FTO: variants seen among roughly 807,000 people sequenced by gnomAD.
FTO encodes the protein alpha-ketoglutarate-dependent dioxygenase FTO.
In FTO, 47 loss-of-function variants were observed where a neutral mutation model predicts 63.9. The ratio of observed to expected loss-of-function variants is 0.74; its 90% CI spans 0.58 to 0.94. FTO has a LOEUF of 0.94. Among genes scored for constraint, FTO ranks in the 40% least tolerant of loss-of-function variants. The pLI, the probability that FTO is intolerant of heterozygous loss-of-function variation, is 0.00. For synonymous variants in FTO, 207 were observed against 224.4 expected (o/e 0.92, Z 0.69); for missense variants, 562 against 618.1 (o/e 0.91, Z 0.96).
chr16:53,787,246 CTA>C (rs1461349127), intron 1 of FTO, among the ~76,000 whole-genome samples: 1 of 149,908 alleles, frequency 6.7e-6, no homozygotes, highest in African/African-American at 2.5e-5. Flanking sequence ...GTAGCACTAT[CTA>C]TCACCTTATG....
At chr16:53,924,094 T>C (rs1343912414) in intron 7 of FTO, among the ~76,000 whole-genome samples, 1 of 152,236 alleles carries the variant, frequency 6.6e-6, no homozygotes, top group Non-Finnish European at 1.5e-5. Context: ...TCTTCTGTGA[T>C]ATTTCCCCCA....
At chr16:54,073,545 C>A (rs564151264) in intron 8 of FTO, among the ~76,000 whole-genome samples, 1 of 151,644 alleles carries the variant, frequency 6.6e-6, no homozygotes, top group East Asian at 1.9e-4. Flanking sequence ...CCACCTCCCC[C>A]ATGTGTATTT....
chr16:53,831,781 G>T (rs1567339055), intron 3 of FTO, among the ~76,000 whole-genome samples: 1 of 152,132 alleles, frequency 6.6e-6, no homozygotes, highest in East Asian at 1.9e-4. Context: ...AATTTGAAGC[G>T]GGAGCACATA....
intron 1 of FTO, among the ~76,000 whole-genome samples, chr16:53,761,501 T>A (rs1046707682): frequency 2.0e-5 from 3 of 152,224 alleles, no homozygotes; most frequent in African/African-American, 7.2e-5. Flanking sequence ...TAATTTGTTG[T>A]GTTAATCATT....
chr16:53,786,204 T>G (rs1312234941), intron 1 of FTO, among the ~76,000 whole-genome samples: 2 of 152,188 alleles, frequency 1.3e-5, no homozygotes, highest in Non-Finnish European at 2.9e-5. Flanking sequence ...CACACTTTCT[T>G]TTCTTATGAT....
rs1308880978 is a variant in FTO, at chr16:54,117,926, C to G, written c.*6011C>G. On this transcript the variant is annotated 3_prime_UTR_variant, in exon 9 of 9. Transcript: ENST00000471389. ...GTGATTCTTTTCCAATGATGCAGTTCATGACTTTGCTCGCATTTACTTTTC... is the reference window on the plus strand; with the variant it reads ...GTGATTCTTTTCCAATGATGCAGTTGATGACTTTGCTCGCATTTACTTTTC... 6.6e-6 allele frequency: 1 copy of G among 152,218 alleles called. No homozygotes were observed. Among genetic ancestry groups the G allele is most frequent in the African/African-American group, 2.4e-5 (1 of 41,446 alleles). The allele number at this position is 152,218 out of a possible 1,614,324, so 9.4% of individuals were successfully genotyped here.
chr16:53,938,707 C>T (rs1172259548), intron 8 of FTO, among the ~76,000 whole-genome samples: 1 of 152,160 alleles, frequency 6.6e-6, no homozygotes, highest in African/African-American at 2.4e-5. Flanking sequence ...GTGGAACCAT[C>T]GTTACCACAA....
Position 53,844,263 on chromosome 16 carries a change from T to C in FTO, c.860T>C (p.Ile287Thr), listed in dbSNP as rs1290922677. The stretch of plus-strand genomic sequence containing the variant: ...GACATAGAGACACCTGGTTTGGCGA[T>C]ACCCCTTCACCAAGGAGACTGCTAT... ...SWDIETPGLA[I>T]PLHQGDCYFM... Residue 287 changes from isoleucine (I) to threonine (T), a missense_variant, in exon 4 of 9, where the codon ATA (isoleucine) becomes ACA (threonine). Physicochemically the swap from Ile to Thr is moderately conservative, Grantham distance 89 (BLOSUM62 -1). Transcript: ENST00000471389. The C allele has an allele frequency of 2.5e-6, 4 of 1,613,706 alleles. No individual in the cohort carries two copies. The highest frequency in any genetic ancestry group is 3.3e-5 in the Admixed American group (2 of 60,010).
At chr16:54,009,957 T>G (rs2084299379) in intron 8 of FTO, among the ~76,000 whole-genome samples, 2 of 152,198 alleles carry the variant, frequency 1.3e-5, no homozygotes, top group Non-Finnish European at 2.9e-5. Flanking sequence ...CTCATAAACT[T>G]ACATAGCAAT....
chr16:53,830,168 T>C (rs1267347502), intron 3 of FTO, among the ~76,000 whole-genome samples: 6 of 152,240 alleles, frequency 3.9e-5, no homozygotes, highest in Non-Finnish European at 8.8e-5. Flanking sequence ...AGGATACGTG[T>C]AATTATATAC....
At chr16:53,914,378 A>G (rs1231880932) in intron 7 of FTO, among the ~76,000 whole-genome samples, 1 of 151,968 alleles carries the variant, frequency 6.6e-6, no homozygotes, top group Non-Finnish European at 1.5e-5. Flanking sequence ...CAGATAAATA[A>G]TTGTTTAACA....
intron 8 of FTO, among the ~76,000 whole-genome samples, chr16:54,023,466 T>C (rs1358210386): frequency 6.6e-6 from 1 of 152,234 alleles, no homozygotes; most frequent in African/African-American, 2.4e-5. Context: ...GCTGCTCTTC[T>C]ACCAAGGATA....
intron 1 of FTO, among the ~76,000 whole-genome samples, chr16:53,788,642 C>T (rs1451676894): frequency 2.0e-5 from 3 of 151,648 alleles, no homozygotes; most frequent in Non-Finnish European, 4.4e-5. Context: ...TTTTCATGCC[C>T]AACCTCTATC....
At chr16:54,081,270 C>T (rs1390846696) in intron 8 of FTO, among the ~76,000 whole-genome samples, 3 of 152,122 alleles carry the variant, frequency 2.0e-5, no homozygotes, top group Non-Finnish European at 2.9e-5. Flanking sequence ...ACAGCCCTAC[C>T]CCCTTTCCAA....
At chr16:53,859,315 A>G (rs1365504663) in intron 4 of FTO, among the ~76,000 whole-genome samples, 3 of 151,862 alleles carry the variant, frequency 2.0e-5, no homozygotes, top group South Asian at 4.2e-4. Context: ...CTCATATCCA[A>G]TTTTCCATTA....
At chr16:53,796,037 C>T (rs796247967) in intron 1 of FTO, among the ~76,000 whole-genome samples, 2 of 118,164 alleles carry the variant, frequency 1.7e-5, no homozygotes, top group African/African-American at 5.8e-5. Flanking sequence ...TGTTTTTTTT[C>T]TTTCTTTCTT....
At chr16:53,780,601 CT>C (rs2077563909) in intron 1 of FTO, among the ~76,000 whole-genome samples, 1 of 152,046 alleles carries the variant, frequency 6.6e-6, no homozygotes, top group South Asian at 2.1e-4. Flanking sequence ...AACTCCTGAC[CT>C]CAGGTGATTC....
At chr16:53,717,112 A>T (rs1431289857) in intron 1 of FTO, among the ~76,000 whole-genome samples, 1 of 151,910 alleles carries the variant, frequency 6.6e-6, no homozygotes, top group East Asian at 1.9e-4. Context: ...ATTCTTGTAC[A>T]TAAATCTCTG....
chr16:53,960,756 C>G (rs545851067), intron 8 of FTO, among the ~76,000 whole-genome samples: 1 of 152,094 alleles, frequency 6.6e-6, no homozygotes, highest in South Asian at 2.1e-4. Context: ...CCAAAGGGCC[C>G]AATTGTGCTT....
Sources: allele counts gnomAD v4.1 joint callset (sites outside exome capture counted in the v4.1 genomes callset), GRCh38; gene constraint gnomAD v4.1.1; transcripts MANE v1.5; gene names NCBI Gene and HGNC (gene_info 2026-07-23, HGNC 2026-07-21).